The following EYS variants were observed in gnomAD, a reference collection of about 807,000 sequenced individuals.
EYS encodes the protein protein eyes shut homolog.
EYS carries 250 observed loss-of-function variants against 282.1 expected under a neutral mutation model. The observed-to-expected ratio is 0.89, with a 90% CI of 0.80 to 0.98. The LOEUF is 0.98. Among genes scored for constraint, EYS ranks in the 50% least tolerant of loss-of-function variants. The pLI is 0.00. For missense variants in EYS, 4,016 were observed against 3,709.0 expected, an observed-to-expected ratio of 1.08 and a Z score of -2.15; for synonymous variants, 1,355 against 1,282.9, an observed-to-expected ratio of 1.06 and a Z score of -1.20.
intron 26 of EYS, among the ~76,000 whole-genome samples, chr6:64,561,152 A>G (rs1159426849): frequency 1.3e-5 from 2 of 152,142 alleles, no homozygotes; most frequent in African/African-American, 4.8e-5. Context: ...CTTTCAATAA[A>G]TCAGGTATTG....
chr6:63,773,740 G>A (rs1161498033), intron 40 of EYS, among the ~76,000 whole-genome samples: 1 of 152,178 alleles, frequency 6.6e-6, no homozygotes, highest in Non-Finnish European at 1.5e-5. Context: ...AGGAGTAATA[G>A]AAGACTGAAT....
chr6:65,586,968 T>C (rs184285603), intron 2 of EYS, among the ~76,000 whole-genome samples: 33 of 152,238 alleles, frequency 2.2e-4, no homozygotes, highest in African/African-American at 7.0e-4. Context: ...TAACTCTAAA[T>C]ACATGCTTTT....
chr6:64,299,959 G>A (rs1034868820), intron 30 of EYS, among the ~76,000 whole-genome samples: 4 of 152,156 alleles, frequency 2.6e-5, no homozygotes, highest in Non-Finnish European at 5.9e-5. Flanking sequence ...CCTCAGACAC[G>A]CTATCACCAG....
intron 5 of EYS, among the ~76,000 whole-genome samples, chr6:65,442,087 T>C (rs1470871840): frequency 6.6e-6 from 1 of 152,140 alleles, no homozygotes. Context: ...TAATTTTATT[T>C]AAATTGTGTT....
chr6:64,309,209 TA>T (rs985310574), intron 29 of EYS, among the ~76,000 whole-genome samples: 3 of 151,752 alleles, frequency 2.0e-5, no homozygotes, highest in African/African-American at 4.8e-5. Flanking sequence ...TTCATAGGGA[TA>T]AAAAAAGGGG....
intron 12 of EYS, among the ~76,000 whole-genome samples, chr6:65,277,652 A>G (rs1396269879): frequency 6.6e-6 from 1 of 152,104 alleles, no homozygotes; most frequent in Non-Finnish European, 1.5e-5. Flanking sequence ...ACTTTGTCAT[A>G]TGAAACCAAA....
chr6:65,011,399 C>T (rs999766716), intron 13 of EYS, among the ~76,000 whole-genome samples: 2 of 152,296 alleles, frequency 1.3e-5, no homozygotes, highest in South Asian at 2.1e-4. Flanking sequence ...AGAATAGAAG[C>T]TCTAAAACTA....
At chr6:64,379,687 A>G (rs1231275902) in intron 29 of EYS, 1 of 152,194 alleles carries the variant, frequency 6.6e-6, no homozygotes, top group Non-Finnish European at 1.5e-5. Flanking sequence ...CCTCAGGGAT[A>G]TCACATGAAA....
In EYS at chr6:65,479,036, C is replaced by T. The variant is rs868754440; in HGVS notation, c.862+11558G>A. On this transcript the variant is annotated intron_variant, in intron 5 of 42. Transcript: ENST00000503581. ...AGTGAGAGGACCACAAATGGTTGAACTAAAATGAATAGAGCCTCAGTGACC... is the reference window on the plus strand; with the variant it reads ...AGTGAGAGGACCACAAATGGTTGAATTAAAATGAATAGAGCCTCAGTGACC... Among the ~76,000 whole-genome samples the T allele has an allele frequency of 5.8e-4, 87 of 150,700 alleles. 1 individual carries two copies. The highest frequency in any genetic ancestry group is 3.4e-3 in the Middle Eastern group (1 of 294).
At chr6:63,884,981 T>C (rs1475559168) in intron 35 of EYS, among the ~76,000 whole-genome samples, 2 of 152,176 alleles carry the variant, frequency 1.3e-5, no homozygotes, top group Non-Finnish European at 2.9e-5. Flanking sequence ...GGTGGAGTGT[T>C]TCCATTTTTA....
chr6:64,805,287 T>C (rs1050600626), intron 22 of EYS, among the ~76,000 whole-genome samples: 9 of 152,026 alleles, frequency 5.9e-5, no homozygotes, highest in African/African-American at 1.9e-4. Context: ...TTGAACTTGA[T>C]GCTGTTGAGC....
intron 22 of EYS, among the ~76,000 whole-genome samples, chr6:64,660,911 A>G (rs945969524): frequency 2.6e-5 from 4 of 152,216 alleles, no homozygotes; most frequent in Admixed American, 6.5e-5. Context: ...TGGAAACAAA[A>G]ATGAGCCCGC....
chr6:64,938,337 T>TGAGAGA (rs375999442), intron 15 of EYS, among the ~76,000 whole-genome samples: 22 of 148,422 alleles, frequency 1.5e-4, no homozygotes, highest in African/African-American at 5.1e-4. Flanking sequence ...TAAGATATTT[T>TGAGAGA]GAGAGAGAGA....
intron 19 of EYS, among the ~76,000 whole-genome samples, chr6:64,863,283 C>T (rs1583234885): frequency 6.6e-6 from 1 of 152,234 alleles, no homozygotes; most frequent in East Asian, 1.9e-4. Context: ...CTTCTGAGTT[C>T]TTTCCCTTTC....
At chr6:63,749,553 T>G (rs1488073167) in intron 41 of EYS, among the ~76,000 whole-genome samples, 1 of 152,184 alleles carries the variant, frequency 6.6e-6, no homozygotes, top group Non-Finnish European at 1.5e-5. Flanking sequence ...ATTTTCTGCC[T>G]TGATGATCTG....
chr6:63,737,466 G>C (rs542900062), intron 41 of EYS, among the ~76,000 whole-genome samples: 226 of 152,250 alleles, frequency 1.5e-3, no homozygotes, highest in African/African-American at 5.1e-3. Flanking sequence ...TAAGCTTTTT[G>C]ATGTGCTGTT....
chr6:64,557,553 A>G (rs1765270430), intron 26 of EYS, among the ~76,000 whole-genome samples: 1 of 151,966 alleles, frequency 6.6e-6, no homozygotes, highest in Admixed American at 6.6e-5. Flanking sequence ...TGTATGGTCT[A>G]GTCATTCTAG....
intron 28 of EYS, among the ~76,000 whole-genome samples, chr6:64,392,689 T>C (rs999947966): frequency 1.0e-4 from 15 of 148,948 alleles, no homozygotes; most frequent in African/African-American, 3.2e-4. Flanking sequence ...AGATGCAAAA[T>C]TGACACCCTA....
At chr6:63,849,462 C>T (rs902780027) in intron 36 of EYS, among the ~76,000 whole-genome samples, 3 of 152,090 alleles carry the variant, frequency 2.0e-5, no homozygotes, top group Non-Finnish European at 4.4e-5. Flanking sequence ...TGTCTGGTGC[C>T]CCTCTGGGAT....
Sources: allele counts gnomAD v4.1 joint callset (sites outside exome capture counted in the v4.1 genomes callset), GRCh38; gene constraint gnomAD v4.1.1; transcripts MANE v1.5; gene names NCBI Gene and HGNC (gene_info 2026-07-23, HGNC 2026-07-21).